PTPRD: variants seen among roughly 807,000 people sequenced by gnomAD.
The protein encoded by PTPRD is receptor-type tyrosine-protein phosphatase delta.
PTPRD carries 34 observed loss-of-function variants against 214.5 expected under a neutral mutation model. That is an observed-to-expected ratio of 0.16 (90% CI 0.12 to 0.21). The LOEUF (loss-of-function observed/expected upper bound fraction) is 0.21. Among genes scored for constraint, PTPRD ranks in the 10% least tolerant of loss-of-function variants. The pLI, the probability that PTPRD is intolerant of heterozygous loss-of-function variation, is 1.00. For synonymous variants in PTPRD, 1,128 were observed against 845.7 expected (o/e 1.33, Z -5.79); for missense variants, 2,545 against 2,398.7 (o/e 1.06, Z -1.27).
At chr9:9,492,946 T>G (rs907839991) in intron 8 of PTPRD, among the ~76,000 whole-genome samples, 1 of 146,802 alleles carries the variant, frequency 6.8e-6, no homozygotes, top group Non-Finnish European at 1.5e-5. Flanking sequence ...ACCCAACCCA[T>G]ATAAGACGAC....
intron 10 of PTPRD, among the ~76,000 whole-genome samples, chr9:9,161,829 A>G (rs867064771): frequency 2.3e-4 from 35 of 151,624 alleles, no homozygotes; most frequent in African/African-American, 8.5e-4. Flanking sequence ...TATAACAGTA[A>G]TGGTAACATT....
intron 2 of PTPRD, among the ~76,000 whole-genome samples, chr9:10,541,101 T>G (rs1266969002): frequency 6.6e-6 from 1 of 152,150 alleles, no homozygotes; most frequent in Non-Finnish European, 1.5e-5. Context: ...ATATGCTTCC[T>G]TTATTTATCT....
At chr9:10,237,894 A>G (rs1391167917) in intron 3 of PTPRD, among the ~76,000 whole-genome samples, 1 of 151,904 alleles carries the variant, frequency 6.6e-6, no homozygotes, top group Non-Finnish European at 1.5e-5. Flanking sequence ...CTTATATTAG[A>G]AGTGATATTT....
chr9:8,811,223 T>G (rs186838030), intron 11 of PTPRD, among the ~76,000 whole-genome samples: 1 of 152,236 alleles, frequency 6.6e-6, no homozygotes, highest in East Asian at 1.9e-4. Flanking sequence ...CTTTTCGGCT[T>G]GAGAGAACCC....
chr9:9,784,323 T>A (rs2098898023), intron 5 of PTPRD, among the ~76,000 whole-genome samples: 1 of 152,066 alleles, frequency 6.6e-6, no homozygotes, highest in Non-Finnish European at 1.5e-5. Context: ...TTAAAGTGAA[T>A]ATTAAGAAAA....
intron 44 of PTPRD, among the ~76,000 whole-genome samples, chr9:8,330,093 G>GTACAGTCTC (rs946168074): frequency 3.9e-5 from 6 of 152,100 alleles, no homozygotes; most frequent in Non-Finnish European, 8.8e-5. Flanking sequence ...GTTCCTCGTG[G>GTACAGTCTC]TACAGTCTCT....
chr9:10,028,206 A>G (rs1438235903), intron 4 of PTPRD, among the ~76,000 whole-genome samples: 3 of 152,200 alleles, frequency 2.0e-5, no homozygotes, highest in Non-Finnish European at 4.4e-5. Context: ...CATGTGAGAC[A>G]TGCGTTTCAC....
intron 9 of PTPRD, among the ~76,000 whole-genome samples, chr9:9,286,216 A>G (rs949728804): frequency 6.6e-6 from 1 of 151,826 alleles, no homozygotes; most frequent in Admixed American, 6.6e-5. Context: ...TTTCCTTACC[A>G]TCTCCATTGC....
intron 5 of PTPRD, among the ~76,000 whole-genome samples, chr9:9,862,040 G>T (rs1194832071): frequency 6.6e-6 from 1 of 152,098 alleles, no homozygotes; most frequent in East Asian, 1.9e-4. Context: ...TGATTCTTAA[G>T]AATAGATTTG....
At chr9:9,576,010 C>A (rs1231143148) in intron 7 of PTPRD, among the ~76,000 whole-genome samples, 1 of 152,012 alleles carries the variant, frequency 6.6e-6, no homozygotes, top group Non-Finnish European at 1.5e-5. Flanking sequence ...GGTAGGTCTA[C>A]AAGTAGGTGC....
chr9:9,938,067 C>T (rs997987939), intron 5 of PTPRD, among the ~76,000 whole-genome samples: 2 of 152,058 alleles, frequency 1.3e-5, no homozygotes, highest in African/African-American at 2.4e-5. Flanking sequence ...CTGGAAATGA[C>T]AAAACCTGAG....
chr9:10,253,708 G>C (rs897866550), intron 3 of PTPRD, among the ~76,000 whole-genome samples: 1 of 152,138 alleles, frequency 6.6e-6, no homozygotes. Context: ...ATTCTATAAA[G>C]AGAAGTTTAC....
intron 5 of PTPRD, among the ~76,000 whole-genome samples, chr9:9,839,012 A>T (rs901468042): frequency 6.6e-6 from 1 of 152,104 alleles, no homozygotes; most frequent in Non-Finnish European, 1.5e-5. Context: ...AGCACCATTT[A>T]TTAAATAGGG....
intron 9 of PTPRD, among the ~76,000 whole-genome samples, chr9:9,220,969 G>GC (rs995581443): frequency 6.6e-6 from 1 of 152,016 alleles, no homozygotes; most frequent in African/African-American, 2.4e-5. Context: ...CAGCCAGGAT[G>GC]CCCACCTCCA....
In PTPRD at chr9:9,343,075, T is replaced by C. The variant is rs532927750; in HGVS notation, c.-203+54374A>G. Among the ~76,000 whole-genome samples the C allele has an allele frequency of 1.1e-4, 17 of 152,254 alleles. No homozygotes were observed. The East Asian group carries it at 2.9e-3, about 26-fold the overall frequency. ...AAGGACATGAACTCATCCTTTTTTA[T>C]AGCTGCATAGTATTCCATGATGTAT... On this transcript the variant is annotated intron_variant, in intron 9 of 45. Coordinates refer to ENST00000381196, the MANE Select transcript of PTPRD (RefSeq NM_002839.4).
chr9:9,027,219 G>T (rs1332731384), intron 10 of PTPRD, among the ~76,000 whole-genome samples: 3 of 151,628 alleles, frequency 2.0e-5, no homozygotes, highest in Non-Finnish European at 2.9e-5. Flanking sequence ...GATAAACCAA[G>T]AAAGAATTTG....
intron 2 of PTPRD, among the ~76,000 whole-genome samples, chr9:10,527,362 T>C (rs1336839842): frequency 6.6e-6 from 1 of 152,090 alleles, no homozygotes; most frequent in East Asian, 1.9e-4. Flanking sequence ...CAATAATTAG[T>C]GACACACCTG....
At chr9:9,115,749 G>A (rs185914925) in intron 10 of PTPRD, among the ~76,000 whole-genome samples, 16 of 152,152 alleles carry the variant, frequency 1.1e-4, no homozygotes, top group African/African-American at 3.6e-4. Context: ...ACTGATGAGT[G>A]GATAAAGAAA....
chr9:8,729,434 C>A lies in PTPRD; in HGVS notation c.64+4346G>T, dbSNP rs140663363. ...TTATCCACCACCCAAATTTTGATAA[C>A]CTCTAGGTCAAATTAAAAAAAAAAA... On this transcript the variant is annotated intron_variant, in intron 12 of 45. Transcript: ENST00000381196. 9.2e-5 allele frequency among the ~76,000 whole-genome samples: 12 copies of A among 130,988 alleles called. No individual in the cohort carries two copies. The East Asian group carries it at 2.1e-3, about 23-fold the overall frequency. 85.9% of individuals were successfully genotyped at this position (130,988 alleles called of 152,430 possible). A position where few individuals can be genotyped will look rare whatever the true frequency, so the allele number is the denominator to read the frequency against.
Sources: allele counts gnomAD v4.1 joint callset (sites outside exome capture counted in the v4.1 genomes callset), GRCh38; gene constraint gnomAD v4.1.1; transcripts MANE v1.5; gene names NCBI Gene and HGNC (gene_info 2026-07-23, HGNC 2026-07-21).